Variants in EPB41L4A observed in about 807,000 individuals in gnomAD.
EPB41L4A encodes erythrocyte membrane protein band 4.1 like 4A.
Under a neutral mutation model 108.6 loss-of-function variants are expected in EPB41L4A, and 100 were observed. The ratio of observed to expected loss-of-function variants is 0.92; its 90% confidence interval spans 0.78 to 1.09. The LOEUF (loss-of-function observed/expected upper bound fraction) is 1.09. Ranked by LOEUF, EPB41L4A falls within the 50% of genes least tolerant of loss-of-function variation. EPB41L4A has a pLI of 0.00. For synonymous variants in EPB41L4A, 319 were observed against 289.0 expected (o/e 1.10, Z -1.05); for missense variants, 1,030 against 842.7 (o/e 1.22, Z -2.75).
intron 1 of EPB41L4A, among the ~76,000 whole-genome samples, chr5:112,324,117 G>A (rs1755988464): frequency 6.6e-6 from 1 of 152,278 alleles, no homozygotes; most frequent in South Asian, 2.1e-4. Flanking sequence ...GTGGCACAGT[G>A]TATCTAAATG....
At chr5:112,292,602 T>C (rs1486648286) in intron 2 of EPB41L4A, among the ~76,000 whole-genome samples, 2 of 152,144 alleles carry the variant, frequency 1.3e-5, no homozygotes, top group African/African-American at 4.8e-5. Flanking sequence ...TCACTTAGCT[T>C]TTAGTACATG....
At chr5:112,167,881 T>G (rs1760346173) in intron 22 of EPB41L4A, among the ~76,000 whole-genome samples, 1 of 152,198 alleles carries the variant, frequency 6.6e-6, no homozygotes, top group Admixed American at 6.5e-5. Flanking sequence ...ACTGCTGGTG[T>G]CAGGCTTCTT....
At chr5:112,294,847 A>T (rs909619281) in intron 2 of EPB41L4A, among the ~76,000 whole-genome samples, 1 of 152,178 alleles carries the variant, frequency 6.6e-6, no homozygotes, top group Admixed American at 6.5e-5. Context: ...TTTGTAAACC[A>T]TGTTTAGGAG....
intron 12 of EPB41L4A, among the ~76,000 whole-genome samples, chr5:112,213,953 T>C (rs1025623304): frequency 6.6e-6 from 1 of 152,196 alleles, no homozygotes. Context: ...TAGTAAGATT[T>C]TACCATACCA....
At chr5:112,208,160 C>A (rs1386117532) in intron 13 of EPB41L4A, among the ~76,000 whole-genome samples, 1 of 144,272 alleles carries the variant, frequency 6.9e-6, no homozygotes. Context: ...GCAGGAGAAT[C>A]GCTTGAACCC....
Position 112,419,064 on chromosome 5 carries a change from G to A in EPB41L4A, c.-25C>T, listed in dbSNP as rs887265443. The A allele has an allele frequency of 4.4e-6, 7 of 1,588,986 alleles. No homozygotes were observed. In the East Asian group the frequency reaches 6.8e-5, roughly 15 times the overall value. Reference sequence around the variant, plus strand: ...TGTCGGTTGTGGTCGTCTCCAGCCAGGAGAGAAAGCTACCACCGAGGCGCC... The same window carrying A: ...TGTCGGTTGTGGTCGTCTCCAGCCAAGAGAGAAAGCTACCACCGAGGCGCC... On this transcript the variant is annotated 5_prime_UTR_variant, in exon 1 of 23. Coordinates refer to ENST00000261486, the MANE Select transcript of EPB41L4A (RefSeq NM_022140.5).
chr5:112,267,222 A>C (rs971370974), intron 4 of EPB41L4A, among the ~76,000 whole-genome samples: 7 of 152,158 alleles, frequency 4.6e-5, no homozygotes, highest in Admixed American at 2.0e-4. Context: ...ATATGCACAC[A>C]CACTCTCACA....
chr5:112,142,496 G>C (rs756124543), exon 14 of EPB41L4A: 7 of 152,180 alleles, frequency 4.6e-5, no homozygotes, highest in Non-Finnish European at 8.8e-5. Flanking sequence ...ATGCTTATGG[G>C]TGTGGGTCAA....
chr5:112,263,017 C>T (rs769595512), intron 6 of EPB41L4A, among the ~76,000 whole-genome samples: 1 of 152,196 alleles, frequency 6.6e-6, no homozygotes, highest in South Asian at 2.1e-4. Flanking sequence ...CACCACCCAA[C>T]TGGGATCATA....
intron 2 of EPB41L4A, among the ~76,000 whole-genome samples, chr5:112,293,683 T>G (rs1753804706): frequency 6.6e-6 from 1 of 152,190 alleles, no homozygotes; most frequent in South Asian, 2.1e-4. Context: ...CATGCTCTGC[T>G]TTTCCCGATG....
At chr5:112,391,068 G>A (rs1760901580) in intron 1 of EPB41L4A, among the ~76,000 whole-genome samples, 1 of 152,126 alleles carries the variant, frequency 6.6e-6, no homozygotes, top group Non-Finnish European at 1.5e-5. Flanking sequence ...CCAGCTGTAG[G>A]TCACCATCAT....
At chr5:112,231,345 T>A (rs1166568458) in intron 12 of EPB41L4A, among the ~76,000 whole-genome samples, 1 of 152,230 alleles carries the variant, frequency 6.6e-6, no homozygotes, top group Non-Finnish European at 1.5e-5. Context: ...AAAGGCTGTA[T>A]AATACAGTGC....
At chr5:112,284,284 T>G (rs1753144274) in intron 2 of EPB41L4A, among the ~76,000 whole-genome samples, 1 of 151,924 alleles carries the variant, frequency 6.6e-6, no homozygotes. Context: ...TCTCCTAGAG[T>G]TCTAATAGAA....
At chr5:112,231,572 T>A (rs1580483202) in intron 12 of EPB41L4A, among the ~76,000 whole-genome samples, 1 of 147,148 alleles carries the variant, frequency 6.8e-6, no homozygotes, top group South Asian at 2.2e-4. Context: ...GATCATGAGG[T>A]CAGGAGATCG....
chr5:112,304,488 C>G (rs889715772), intron 2 of EPB41L4A, among the ~76,000 whole-genome samples: 2 of 152,190 alleles, frequency 1.3e-5, no homozygotes, highest in Non-Finnish European at 2.9e-5. Flanking sequence ...CTAGCCCAGG[C>G]TAAGCGCTTT....
chr5:112,346,337 T>C (rs1043193912), intron 1 of EPB41L4A, among the ~76,000 whole-genome samples: 6 of 148,790 alleles, frequency 4.0e-5, no homozygotes, highest in African/African-American at 1.2e-4. Context: ...GCGATTCTCC[T>C]GCCTCAGCCT....
At chr5:112,335,846 G>C (rs1006239445) in intron 1 of EPB41L4A, among the ~76,000 whole-genome samples, 2 of 152,170 alleles carry the variant, frequency 1.3e-5, no homozygotes, top group Non-Finnish European at 2.9e-5. Context: ...CCATGATCTA[G>C]TCATGACCCA....
chr5:112,171,147 T>C (rs1050225658), intron 18 of EPB41L4A, among the ~76,000 whole-genome samples, 155 bp from the exon 19 acceptor site: 2 of 152,216 alleles, frequency 1.3e-5, no homozygotes, highest in Admixed American at 1.3e-4. Flanking sequence ...TGATGGTTAG[T>C]ATAAAGACAC....
intron 1 of EPB41L4A, among the ~76,000 whole-genome samples, chr5:112,339,897 G>C (rs1397306618): frequency 1.3e-5 from 2 of 152,076 alleles, no homozygotes; most frequent in South Asian, 2.1e-4. Context: ...CCTCATGGAA[G>C]AGACCTTTTA....
Sources: allele counts gnomAD v4.1 joint callset (sites outside exome capture counted in the v4.1 genomes callset), GRCh38; gene constraint gnomAD v4.1.1; transcripts MANE v1.5; gene names NCBI Gene and HGNC (gene_info 2026-07-23, HGNC 2026-07-21).